Variants in CREB5 observed in about 807,000 individuals in gnomAD.
CREB5 encodes the protein cyclic AMP-responsive element-binding protein 5.
In CREB5, 19 loss-of-function variants were observed where a neutral mutation model predicts 57.1. That is an observed-to-expected ratio of 0.33 (90% CI 0.23 to 0.49). CREB5 has a LOEUF of 0.49. CREB5 is among the 20% of genes least tolerant of loss of function. The pLI, the probability that CREB5 is intolerant of heterozygous loss-of-function variation, is 0.99. For synonymous variants in CREB5, 238 were observed against 238.3 expected (o/e 1.00, Z 0.01); for missense variants, 579 against 671.6 (o/e 0.86, Z 1.52).
At chr7:28,445,433 T>C (rs1019600579) in intron 1 of CREB5, among the ~76,000 whole-genome samples, 1 of 152,184 alleles carries the variant, frequency 6.6e-6, no homozygotes, top group African/African-American at 2.4e-5. Flanking sequence ...GGAAATTACT[T>C]TGTTTTTGCA....
chr7:28,422,216 C>T (rs572118241), intron 1 of CREB5, among the ~76,000 whole-genome samples: 1 of 152,080 alleles, frequency 6.6e-6, no homozygotes, highest in East Asian at 1.9e-4. Context: ...CTCTGTGCTT[C>T]GGGGAAAAAC....
intron 7 of CREB5, among the ~76,000 whole-genome samples, chr7:28,727,627 T>G (rs1393537633): frequency 4.6e-5 from 7 of 152,074 alleles, no homozygotes; most frequent in Admixed American, 4.6e-4. Flanking sequence ...TTGAAAGAGG[T>G]TTTTGTTTTT....
At chr7:28,321,827 G>A (rs561532186) in intron 1 of CREB5, among the ~76,000 whole-genome samples, 36 of 152,288 alleles carry the variant, frequency 2.4e-4, no homozygotes, top group African/African-American at 8.4e-4. Flanking sequence ...ACAGAGCGCC[G>A]ATGCTCCAAG....
intron 2 of CREB5, among the ~76,000 whole-genome samples, chr7:28,490,935 G>A (rs117726398): frequency 0.014 from 2,083 of 152,310 alleles, 25 homozygotes; most frequent in Non-Finnish European, 0.021. Context: ...AGAAATGAAT[G>A]CCACAGACGT....
chr7:28,690,106 G>A (rs1801174999), intron 5 of CREB5, among the ~76,000 whole-genome samples: 1 of 152,142 alleles, frequency 6.6e-6, no homozygotes, highest in African/African-American at 2.4e-5. Flanking sequence ...GCCCTTGCCT[G>A]TCAGTGGAAG....
At chr7:28,801,581 ATTATTCTAG>A (rs1808369020) in intron 7 of CREB5, among the ~76,000 whole-genome samples, 1 of 152,178 alleles carries the variant, frequency 6.6e-6, no homozygotes, top group African/African-American at 2.4e-5. Flanking sequence ...CAGTTACAAA[ATTATTCTAG>A]TTATTCTTTC....
intron 1 of CREB5, among the ~76,000 whole-genome samples, chr7:28,431,895 G>T (rs935296303): frequency 1.3e-5 from 2 of 151,822 alleles, no homozygotes; most frequent in African/African-American, 4.8e-5. Flanking sequence ...GTCACTGGAG[G>T]TATGGTGAGC....
chr7:28,528,704 C>CAAAAAAAAA (rs778154325), intron 4 of CREB5, among the ~76,000 whole-genome samples: 2 of 58,412 alleles, frequency 3.4e-5, no homozygotes, highest in African/African-American at 6.0e-5. Context: ...AACTCCATCT[C>CAAAAAAAAA]AAAAAAAAAA....
chr7:28,709,965 A>T (rs911330653), intron 5 of CREB5, among the ~76,000 whole-genome samples: 1 of 152,244 alleles, frequency 6.6e-6, no homozygotes, highest in East Asian at 1.9e-4. Flanking sequence ...GTACGACCTT[A>T]TTGCAGGGCA....
chr7:28,400,792 G>A (rs1787445334), intron 1 of CREB5, among the ~76,000 whole-genome samples: 1 of 152,182 alleles, frequency 6.6e-6, no homozygotes, highest in Admixed American at 6.5e-5. Flanking sequence ...CTAAAGAGAT[G>A]AGAATAACCT....
chr7:28,631,575 A>G (rs1037828737), intron 5 of CREB5, among the ~76,000 whole-genome samples: 1 of 152,068 alleles, frequency 6.6e-6, no homozygotes, highest in Admixed American at 6.5e-5. Context: ...GGCAGAGGGG[A>G]TGAAGTCTCC....
chr7:28,500,902 T>A (rs1461278502), intron 3 of CREB5, among the ~76,000 whole-genome samples: 2 of 152,084 alleles, frequency 1.3e-5, no homozygotes, highest in Non-Finnish European at 2.9e-5. Flanking sequence ...ATATAGTAAC[T>A]TCCCACCGTG....
chr7:28,518,490 A>G (rs1371421941), intron 4 of CREB5, among the ~76,000 whole-genome samples: 1 of 152,162 alleles, frequency 6.6e-6, no homozygotes, highest in Non-Finnish European at 1.5e-5. Flanking sequence ...ATTTATGAAC[A>G]TAAGGTTATT....
intron 4 of CREB5, among the ~76,000 whole-genome samples, chr7:28,528,794 A>G (rs1266968692): frequency 1.3e-5 from 2 of 151,348 alleles, no homozygotes; most frequent in East Asian, 1.9e-4. Context: ...AGGCTTGCCA[A>G]TGCAGAATAG....
chr7:28,491,758 C>A (rs904084061), intron 2 of CREB5, among the ~76,000 whole-genome samples: 3 of 152,170 alleles, frequency 2.0e-5, no homozygotes, highest in African/African-American at 7.2e-5. Context: ...TTATTAGAAA[C>A]TCACAGTCAA....
chr7:28,307,934 A>G (rs918021580), intron 1 of CREB5, among the ~76,000 whole-genome samples: 2 of 152,248 alleles, frequency 1.3e-5, no homozygotes, highest in Admixed American at 1.3e-4. Flanking sequence ...CTAATGATGC[A>G]TGGGAGCTGG....
intron 7 of CREB5, among the ~76,000 whole-genome samples, chr7:28,759,689 G>A (rs922566026): frequency 6.6e-6 from 1 of 152,194 alleles, no homozygotes; most frequent in Non-Finnish European, 1.5e-5. Context: ...GTGCTCAGGC[G>A]AGGATGGAGG....
chr7:28,434,650 T>C (rs1463617849), intron 1 of CREB5, among the ~76,000 whole-genome samples: 1 of 152,214 alleles, frequency 6.6e-6, no homozygotes, highest in Non-Finnish European at 1.5e-5. Flanking sequence ...TACTTTTTCC[T>C]TCAATGTGAG....
chr7:28,657,616 C>T (rs1275444709), intron 5 of CREB5, among the ~76,000 whole-genome samples: 5 of 147,598 alleles, frequency 3.4e-5, no homozygotes, highest in South Asian at 4.3e-4. Context: ...ACTTGTGCAG[C>T]GGAGGCAGGA....
Sources: allele counts gnomAD v4.1 joint callset (sites outside exome capture counted in the v4.1 genomes callset), GRCh38; gene constraint gnomAD v4.1.1; transcripts MANE v1.5; gene names NCBI Gene and HGNC (gene_info 2026-07-23, HGNC 2026-07-21).